The following PLEKHO1 variants were observed in gnomAD, a reference collection of about 807,000 sequenced individuals.
PLEKHO1 encodes the protein pleckstrin homology domain-containing family O member 1.
PLEKHO1 carries 22 observed loss-of-function variants against 41.4 expected under a neutral mutation model. The ratio of observed to expected loss-of-function variants is 0.53; its 90% CI spans 0.38 to 0.76. PLEKHO1 has a LOEUF of 0.76. PLEKHO1 is among the 30% of genes least tolerant of loss of function. The pLI is 0.00. For missense variants in PLEKHO1, 488 were observed against 518.3 expected, an observed-to-expected ratio of 0.94 and a Z score of 0.57; for synonymous variants, 225 against 210.8, an observed-to-expected ratio of 1.07 and a Z score of -0.58.
chr1:150,152,040 G>A (rs1553819139), intron 2 of PLEKHO1, among the ~76,000 whole-genome samples: 1 of 152,124 alleles, frequency 6.6e-6, no homozygotes, highest in East Asian at 1.9e-4. Flanking sequence ...CTCACCCAGG[G>A]CTAACTGGGA....
At chr1:150,150,831 A>C (rs1003594602) in intron 1 of PLEKHO1, 81 bp from the exon 2 acceptor site, 8 of 1,357,224 alleles carry the variant, frequency 5.9e-6, no homozygotes, top group African/African-American at 2.9e-5. Flanking sequence ...TGGGCCGCCG[A>C]GGCGGTCGTG....
At chr1:150,152,423 C>G (rs1659973549) in intron 2 of PLEKHO1, among the ~76,000 whole-genome samples, 1 of 152,136 alleles carries the variant, frequency 6.6e-6, no homozygotes, top group Non-Finnish European at 1.5e-5. Flanking sequence ...CCACCTCATC[C>G]TTGGAGTAGC....
chr1:150,152,040 GC>G (rs1659957841), intron 2 of PLEKHO1, among the ~76,000 whole-genome samples: 1 of 152,124 alleles, frequency 6.6e-6, no homozygotes, highest in Non-Finnish European at 1.5e-5. Context: ...CTCACCCAGG[GC>G]TAACTGGGAA....
Position 150,159,417 on chromosome 1 carries a change from A to T in PLEKHO1, c.1124A>T (p.Glu375Val). 4 of 1,614,082 alleles carry T rather than the reference A, an allele frequency of 2.5e-6. No individual in the cohort carries two copies. Among genetic ancestry groups the T allele is most frequent in the Non-Finnish European group, 3.4e-6 (4 of 1,179,996 alleles). Residue 375 changes from glutamate to valine, a missense_variant, in exon 6 of 6, where the codon GAG becomes GTG. This residue lies in a region of PLEKHO1 where 337 missense variants were observed against 324.6 expected (regional missense o/e 1.04). Coordinates refer to ENST00000369124, the MANE Select transcript of PLEKHO1 (RefSeq NM_016274.6). ...NWSQAKRVLQEVRELRDLYRQ... is the reference protein window; with the variant it reads ...NWSQAKRVLQVVRELRDLYRQ... ...AGCCAGGCAAAGAGGGTGCTGCAGGAGGTCAGGGAGCTGAGAGACCTGTAC... is the reference window on the plus strand; with the variant it reads ...AGCCAGGCAAAGAGGGTGCTGCAGGTGGTCAGGGAGCTGAGAGACCTGTAC...
chr1:150,150,810 T>C, intron 1 of PLEKHO1, 102 bp from the exon 2 acceptor site: 2 of 1,137,990 alleles, frequency 1.8e-6, no homozygotes, highest in Non-Finnish European at 2.6e-6. Flanking sequence ...GCCGCAGCCT[T>C]CGGAGGAGAC....
chr1:150,153,452 A>C (rs895691923), intron 2 of PLEKHO1: 2 of 151,212 alleles, frequency 1.3e-5, no homozygotes. Flanking sequence ...ACCTCCTGAA[A>C]TTCTGGGATT....
chr1:150,152,707 A>AAAC (rs1660000456), intron 2 of PLEKHO1: 6 of 150,928 alleles, frequency 4.0e-5, no homozygotes, highest in Non-Finnish European at 8.9e-5. Context: ...AAAAAAAAAA[A>AAAC]AAAAACAAGT....
intron 2 of PLEKHO1, among the ~76,000 whole-genome samples, chr1:150,151,972 C>G (rs1659955513): frequency 2.6e-5 from 4 of 152,178 alleles, no homozygotes; most frequent in Admixed American, 1.3e-4. Context: ...GAAGACTGTC[C>G]TGTGTACCGG....
intron 2 of PLEKHO1, among the ~76,000 whole-genome samples, chr1:150,152,068 A>G (rs73011271): frequency 0.024 from 3,690 of 152,246 alleles, 138 homozygotes; most frequent in African/African-American, 0.083. Context: ...CCTGAGTTCT[A>G]ACCTCTTCTG....
At position 150,150,262 on chromosome 1, in the gene PLEKHO1, T is replaced by C. The variant is rs1659827434; in HGVS notation, c.5T>C (p.Met2Thr). Residue 2 changes from methionine (M) to threonine (T), a missense_variant, in exon 1 of 6, where the codon ATG (methionine) becomes ACG (threonine). Physicochemically the swap from Met to Thr is moderately conservative, Grantham distance 81 (BLOSUM62 -1). Around this residue, in one of 3 missense-constraint regions of PLEKHO1, gnomAD observed 92 missense variants for 82.3 expected, o/e 1.12. Transcript: ENST00000369124. Reference protein sequence around the residue: MMKKNNSAKRGP... With the variant: MTKKNNSAKRGP... ...CCGCGCCCGCGCCCGCTGGGAATGA[T>C]GAAGAAGAACAATTCCGCCAAGCGG... is the stretch of plus-strand genomic sequence containing the variant. The C allele has an allele frequency of 9.0e-7, 1 of 1,116,038 alleles. No homozygotes were observed. The highest frequency in any genetic ancestry group is 3.7e-5 in the Admixed American group (1 of 27,024). 69.1% of individuals were successfully genotyped at this position (1,116,038 alleles called of 1,614,324 possible).
At chr1:150,157,555 A>C in intron 5 of PLEKHO1, 69 bp downstream of exon 5, 1 of 1,122,846 alleles carries the variant, frequency 8.9e-7, no homozygotes, top group South Asian at 1.3e-5. Flanking sequence ...ACAGAACTGT[A>C]TGCCACCAGA....
Position 150,159,774 on chromosome 1 carries a change from G to C in PLEKHO1, c.*251G>C. 2.4e-6 allele frequency: 1 copy of C among 423,296 alleles called. No homozygotes were observed. Among genetic ancestry groups the C allele is most frequent in the Non-Finnish European group, 4.3e-6 (1 of 233,622 alleles). The allele number at this position is 423,296 out of a possible 1,614,324, so 26.2% of individuals were successfully genotyped here. On this transcript the variant is annotated 3_prime_UTR_variant, in exon 6 of 6. Coordinates refer to ENST00000369124, the MANE Select transcript of PLEKHO1 (RefSeq NM_016274.6). ...TTTTTACCCAGCCAGAGAGAGAGAA[G>C]GCACGGTAAAGACACAGTCTGACCA... is the stretch of plus-strand genomic sequence containing the variant.
intron 4 of PLEKHO1, 147 bp downstream of exon 4, chr1:150,157,162 T>C (rs112569032): frequency 4.3e-6 from 3 of 693,760 alleles, no homozygotes; most frequent in African/African-American, 3.6e-5. Flanking sequence ...AGCCCTGATC[T>C]CTTTCTACCT....
chr1:150,153,276 C>T (rs1486502820), intron 2 of PLEKHO1, among the ~76,000 whole-genome samples: 2 of 152,192 alleles, frequency 1.3e-5, no homozygotes, highest in Non-Finnish European at 2.9e-5. Context: ...CTGCCTTGAC[C>T]TCCCGGGCTT....
chr1:150,157,320 C>A, intron 4 of PLEKHO1, 65 bp from the exon 5 acceptor site: 1 of 1,218,056 alleles, frequency 8.2e-7, no homozygotes. Context: ...GTTCAGGCCT[C>A]GGGATGCTGG....
Position 150,159,705 on chromosome 1 carries a change from G to A in PLEKHO1, c.*182G>A. ...CCTACTTTCCATATGCCCCTCGTAT[G>A]CCCCTCAGGTTTGAGGAAGTGACCC... On this transcript the variant is annotated 3_prime_UTR_variant, in exon 6 of 6. Transcript: ENST00000369124. The A allele has an allele frequency of 3.7e-6, 2 of 534,486 alleles. No individual in the cohort carries two copies. Among genetic ancestry groups the A allele is most frequent in the Non-Finnish European group, 6.7e-6 (2 of 298,034 alleles). The allele number at this position is 534,486 out of a possible 1,614,324, so 33.1% of individuals were successfully genotyped here. A position where few individuals can be genotyped will look rare whatever the true frequency, so the allele number is the denominator to read the frequency against.
rs374753885 is a variant in PLEKHO1 at position 150,158,979 on chromosome 1, G to T, written c.686G>T (p.Arg229Leu). The T allele has an allele frequency of 8.7e-6, 14 of 1,614,012 alleles. No individual in the cohort carries two copies. Among genetic ancestry groups the T allele is most frequent in the African/African-American group, 1.3e-5 (1 of 74,914 alleles). The change falls in exon 6 of 6, where the codon CGC (arginine) becomes CTC (leucine). Residue 229 changes from arginine (R) to leucine (L), a missense_variant. Arg to Leu is a moderately radical substitution (Grantham distance 102). Around this residue, in one of 3 missense-constraint regions of PLEKHO1, gnomAD observed 337 missense variants for 324.6 expected, o/e 1.04. Coordinates refer to ENST00000369124, the MANE Select transcript of PLEKHO1 (RefSeq NM_016274.6). ...AGCCGGCGGAGAGCGGACTCAGACC[G>T]CATCCAGCCCTCCGCAGACCGGGCA... ...AGSRRRADSD[R>L]IQPSADRASS...
intron 4 of PLEKHO1, 58 bp from the exon 5 acceptor site, chr1:150,157,327 C>A: frequency 7.7e-7 from 1 of 1,298,590 alleles, no homozygotes; most frequent in Non-Finnish European, 1.1e-6. Context: ...CCTCGGGATG[C>A]TGGGTTGGGA....
chr1:150,155,361 A>G (rs1366681270), intron 2 of PLEKHO1: 1 of 152,192 alleles, frequency 6.6e-6, no homozygotes, highest in African/African-American at 2.4e-5. Flanking sequence ...TGGAGGAGTT[A>G]GTTTGGATTG....
Sources: gnomAD v4.1 joint callset for allele counts (sites outside exome capture counted in the v4.1 genomes callset) on GRCh38, gnomAD v4.1.1 for gene constraint, gnomAD v4.1.1 regional missense constraint, MANE v1.5 for transcripts, NCBI Gene and HGNC (gene_info 2026-07-23, HGNC 2026-07-21) for gene names.